SHISA6: variants seen among roughly 807,000 people sequenced by gnomAD.
The protein encoded by SHISA6 is shisa family member 6.
Under a neutral mutation model 47.9 loss-of-function variants are expected in SHISA6, and 22 were observed. The ratio of observed to expected loss-of-function variants is 0.46; its 90% confidence interval spans 0.33 to 0.66. The LOEUF is 0.66. SHISA6 is among the 30% of genes least tolerant of loss of function. The pLI is 0.02. For synonymous variants in SHISA6, 388 were observed against 337.8 expected, an observed-to-expected ratio of 1.15 and a Z score of -1.63; for missense variants, 680 against 764.6, an observed-to-expected ratio of 0.89 and a Z score of 1.30.
chr17:11,558,313 G>A lies in SHISA6; in HGVS notation c.*9G>A, dbSNP rs1343311204. On this transcript the variant is annotated 3_prime_UTR_variant, in exon 6 of 6. Transcript: ENST00000441885. ...CCGAAGTGACCGTGTGACCGGCGGG[G>A]CAGGGCCGGGGCTGCTGGGCGTGGC... 1.3e-6 allele frequency: 2 copies of A among 1,535,844 alleles called. No homozygotes were observed. The highest frequency in any genetic ancestry group is 3.9e-5 in the Admixed American group (2 of 50,936).
chr17:11,281,657 A>G (rs1909123980), intron 2 of SHISA6, among the ~76,000 whole-genome samples: 1 of 152,222 alleles, frequency 6.6e-6, no homozygotes, highest in Non-Finnish European at 1.5e-5. Flanking sequence ...TGCTGACCTC[A>G]TAAAATATGC....
chr17:11,319,521 G>A (rs1163582187), intron 2 of SHISA6, among the ~76,000 whole-genome samples: 2 of 152,096 alleles, frequency 1.3e-5, no homozygotes, highest in Admixed American at 6.5e-5. Context: ...TAGTTGGTTC[G>A]CTCTGATACA....
chr17:11,448,058 C>A (rs1408005562), intron 3 of SHISA6, among the ~76,000 whole-genome samples: 2 of 152,108 alleles, frequency 1.3e-5, no homozygotes, highest in African/African-American at 4.8e-5. Flanking sequence ...TCAGGGCACA[C>A]AATGAAAATA....
chr17:11,371,594 G>A (rs936343324), intron 2 of SHISA6, among the ~76,000 whole-genome samples: 30 of 152,278 alleles, frequency 2.0e-4, no homozygotes, highest in African/African-American at 7.2e-4. Flanking sequence ...TTAGGTATTA[G>A]TATCTGTGTT....
chr17:11,311,105 T>A (rs2142186648), intron 2 of SHISA6, among the ~76,000 whole-genome samples: 3 of 34,564 alleles, frequency 8.7e-5, no homozygotes, highest in Admixed American at 5.4e-4. Flanking sequence ...AGACTCCATC[T>A]CAAAAAAAAA....
chr17:11,350,479 C>G (rs1044885397), intron 2 of SHISA6, among the ~76,000 whole-genome samples: 4 of 151,968 alleles, frequency 2.6e-5, no homozygotes, highest in African/African-American at 9.7e-5. Flanking sequence ...CGTGCCCAGC[C>G]GAGGACCCAT....
chr17:11,522,476 G>C (rs1200547768), intron 3 of SHISA6, among the ~76,000 whole-genome samples: 3 of 152,106 alleles, frequency 2.0e-5, no homozygotes, highest in Non-Finnish European at 4.4e-5. Context: ...TGGGATATCA[G>C]GGGGATTTGG....
At chr17:11,505,225 C>T (rs2142350331) in intron 3 of SHISA6, among the ~76,000 whole-genome samples, 1 of 152,316 alleles carries the variant, frequency 6.6e-6, no homozygotes, top group South Asian at 2.1e-4. Context: ...TACCTCTCCT[C>T]TAAGTAGGAG....
At chr17:11,290,108 A>G (rs117858811) in intron 2 of SHISA6, 2 of 152,036 alleles carry the variant, frequency 1.3e-5, no homozygotes, top group African/African-American at 4.8e-5. Context: ...TTAAATTTCA[A>G]TTGGATTGGC....
At chr17:11,472,486 A>G (rs1288337691) in intron 3 of SHISA6, among the ~76,000 whole-genome samples, 2 of 152,210 alleles carry the variant, frequency 1.3e-5, no homozygotes, top group Non-Finnish European at 2.9e-5. Flanking sequence ...GGCATGAACC[A>G]TGGTGCCCAA....
chr17:11,476,873 G>GT (rs749853960), intron 3 of SHISA6, among the ~76,000 whole-genome samples: 10 of 152,154 alleles, frequency 6.6e-5, no homozygotes, highest in Non-Finnish European at 1.2e-4. Flanking sequence ...GTCTCCAACT[G>GT]TAACAGTGGA....
At chr17:11,362,086 A>T (rs1428049361) in intron 2 of SHISA6, among the ~76,000 whole-genome samples, 1 of 152,120 alleles carries the variant, frequency 6.6e-6, no homozygotes, top group East Asian at 1.9e-4. Flanking sequence ...ATTAAGCATG[A>T]TGCACTTTCT....
Position 11,263,357 on chromosome 17 carries a change from C to T in SHISA6, c.639-9C>T, listed in dbSNP as rs549508749. 4.5e-6 allele frequency: 7 copies of T among 1,551,612 alleles called. No individual in the cohort carries two copies. The African/African-American group carries it at 8.2e-5, about 18-fold the overall frequency. Reference sequence around the variant, plus strand: ...GTGAATCTCATTATGTGATCTCCTCCTTGTTTAGGGCTCTGGCTGACATCT... The same window carrying T: ...GTGAATCTCATTATGTGATCTCCTCTTTGTTTAGGGCTCTGGCTGACATCT... On this transcript the variant is annotated splice_polypyrimidine_tract_variant and intron_variant, in intron 1 of 5. Coordinates refer to ENST00000441885, the MANE Select transcript of SHISA6 (RefSeq NM_207386.4).
intron 3 of SHISA6, among the ~76,000 whole-genome samples, chr17:11,393,730 T>TA (rs1254168348): frequency 6.6e-6 from 1 of 152,178 alleles, no homozygotes; most frequent in Non-Finnish European, 1.5e-5. Context: ...TATTCTGTGG[T>TA]AAAAAACATG....
intron 1 of SHISA6, among the ~76,000 whole-genome samples, chr17:11,260,521 G>T (rs573132137): frequency 6.6e-6 from 1 of 151,728 alleles, no homozygotes; most frequent in South Asian, 2.1e-4. Context: ...GTCTCTCTCT[G>T]ACCCCCTTTC....
intron 3 of SHISA6, among the ~76,000 whole-genome samples, chr17:11,437,255 C>A (rs145608628): frequency 6.6e-6 from 1 of 152,264 alleles, no homozygotes; most frequent in African/African-American, 2.4e-5. Flanking sequence ...CTGAGAATTG[C>A]CCCAGGACCA....
intron 2 of SHISA6, among the ~76,000 whole-genome samples, chr17:11,313,349 A>G (rs1408569609): frequency 6.6e-6 from 1 of 152,176 alleles, no homozygotes; most frequent in Non-Finnish European, 1.5e-5. Flanking sequence ...GCTTATTCAT[A>G]TTATTTTCCT....
At chr17:11,473,313 T>G (rs981059355) in intron 3 of SHISA6, among the ~76,000 whole-genome samples, 1 of 151,920 alleles carries the variant, frequency 6.6e-6, no homozygotes, top group Non-Finnish European at 1.5e-5. Context: ...TAAATCCATT[T>G]TGGGTTTTTT....
intron 2 of SHISA6, among the ~76,000 whole-genome samples, chr17:11,278,495 G>C (rs1909006506): frequency 6.6e-6 from 1 of 152,214 alleles, no homozygotes; most frequent in Non-Finnish European, 1.5e-5. Context: ...TTATTCAGAA[G>C]TTTTACAAGA....
Sources: allele counts gnomAD v4.1 joint callset (sites outside exome capture counted in the v4.1 genomes callset), GRCh38; gene constraint gnomAD v4.1.1; transcripts MANE v1.5; gene names NCBI Gene and HGNC (gene_info 2026-07-23, HGNC 2026-07-21).